SMYD5: variants seen among roughly 807,000 people sequenced by gnomAD.
SMYD5 encodes SMYD family member 5.
SMYD5 carries 35 observed loss-of-function variants against 57.4 expected under a neutral mutation model. That is an observed-to-expected ratio of 0.61 (90% CI 0.47 to 0.81). The LOEUF (loss-of-function observed/expected upper bound fraction) is 0.81. Ranked by LOEUF, SMYD5 falls within the 30% of genes least tolerant of loss-of-function variation. The probability of loss-of-function intolerance (pLI) is 0.00; values close to 1 mark genes in which losing one functional copy is unlikely to be tolerated. For missense variants in SMYD5, 471 were observed against 527.9 expected (o/e 0.89, Z 1.06); for synonymous variants, 198 against 189.7 (o/e 1.04, Z -0.36).
In SMYD5 at chr2:73,225,149, G is replaced by T. The variant is rs1206091735; in HGVS notation, c.1035+189G>T. 4.3e-5 allele frequency: 24 copies of T among 561,602 alleles called. No homozygotes were observed. The East Asian group carries it at 7.2e-4, about 17-fold the overall frequency. 34.8% of individuals were successfully genotyped at this position (561,602 alleles called of 1,614,324 possible). A position where few individuals can be genotyped will look rare whatever the true frequency, so the allele number is the denominator to read the frequency against. On this transcript the variant is annotated intron_variant, in intron 11 of 12. Coordinates refer to ENST00000389501, the MANE Select transcript of SMYD5 (RefSeq NM_006062.3). ...ACCCTACCTCGCTTTTTCAAAATATGACTCCAGAAAGCCTCAGGACAGTGT... is the reference window on the plus strand; with the variant it reads ...ACCCTACCTCGCTTTTTCAAAATATTACTCCAGAAAGCCTCAGGACAGTGT...
At chr2:73,221,388 C>G (rs899895114) in intron 5 of SMYD5, among the ~76,000 whole-genome samples, 154 bp downstream of exon 5, 26 of 151,572 alleles carry the variant, frequency 1.7e-4, no homozygotes, top group Non-Finnish European at 8.8e-5. Flanking sequence ...CTTCAGAATG[C>G]ACTCTGAAGG....
intron 8 of SMYD5, 32 bp downstream of exon 8, chr2:73,223,138 C>T (rs1388988693): frequency 1.3e-6 from 2 of 1,586,870 alleles, no homozygotes; most frequent in East Asian, 2.2e-5. Context: ...TGAAGTTACT[C>T]TCAGGGGTGG....
At chr2:73,216,808 C>T (rs933119401) in intron 1 of SMYD5, among the ~76,000 whole-genome samples, 2 of 152,060 alleles carry the variant, frequency 1.3e-5, no homozygotes, top group Non-Finnish European at 2.9e-5. Context: ...TGGGCTCAAG[C>T]GATCCTTCAT....
At chr2:73,216,268 A>T (rs1402987155) in intron 1 of SMYD5, among the ~76,000 whole-genome samples, 1 of 152,136 alleles carries the variant, frequency 6.6e-6, no homozygotes, top group Non-Finnish European at 1.5e-5. Flanking sequence ...TCTACTACAT[A>T]GTCTGCCCGG....
intron 1 of SMYD5, chr2:73,214,609 G>A (rs1272354323): frequency 2.3e-5 from 34 of 1,510,076 alleles, no homozygotes; most frequent in Middle Eastern, 4.7e-4. Context: ...CCAGCCCGCG[G>A]GAGGCCCTTC....
rs753852255 is a variant in SMYD5 at position 73,214,959 on chromosome 2, A to G, written c.96+597A>G. 6.4e-4 allele frequency: 263 copies of G among 408,770 alleles called. 2 individuals are homozygous for G. The highest frequency in any genetic ancestry group is 2.4e-3 in the Middle Eastern group (2 of 828). The allele number at this position is 408,770 out of a possible 1,614,324, so 25.3% of individuals were successfully genotyped here. A position where few individuals can be genotyped will look rare whatever the true frequency, so the allele number is the denominator to read the frequency against. On this transcript the variant is annotated intron_variant, in intron 1 of 12. Transcript: ENST00000389501. ...GAAAGAAAATACAAAAATCACCCATACTTCTATACTTGTGCAAAGATGAGT... is the reference window on the plus strand; with the variant it reads ...GAAAGAAAATACAAAAATCACCCATGCTTCTATACTTGTGCAAAGATGAGT...
chr2:73,224,986 A>G (rs993049288), intron 11 of SMYD5, 26 bp downstream of exon 11: 20 of 1,575,916 alleles, frequency 1.3e-5, no homozygotes, highest in East Asian at 2.2e-5. Flanking sequence ...AACCGTCGGG[A>G]TGGGTGGGCA....
chr2:73,223,937 T>G lies in SMYD5; in HGVS notation c.884-10T>G, dbSNP rs755834936. The G allele has an allele frequency of 6.2e-7, 1 of 1,613,282 alleles. No homozygotes were observed. Among genetic ancestry groups the G allele is most frequent in the Non-Finnish European group, 8.5e-7 (1 of 1,179,300 alleles). ...GGGTAGAATAATGTGTGTGTATTAC[T>G]GTCTTACAGCAACTGGAGAGTTTCT... On this transcript the variant is annotated splice_polypyrimidine_tract_variant and intron_variant, in intron 9 of 12. Transcript: ENST00000389501.
At chr2:73,222,480 G>A (rs1240389184) in intron 6 of SMYD5, among the ~76,000 whole-genome samples, 3 of 152,218 alleles carry the variant, frequency 2.0e-5, no homozygotes, top group Non-Finnish European at 4.4e-5. Context: ...TTTGATGGTG[G>A]TGGTGTGGAT....
chr2:73,220,151 T>A lies in SMYD5; in HGVS notation c.306T>A (p.Thr102=). ...GQVLPHPELC[T]VRKDLHQNCP... is the part of the protein sequence containing the mutation. ...TTCTGCCTCACCCAGAGCTGTGCACTGTGCGCAAAGACCTCCACCAGAACT... is the reference window on the plus strand; with the variant it reads ...TTCTGCCTCACCCAGAGCTGTGCACAGTGCGCAAAGACCTCCACCAGAACT... The change falls in exon 3 of 13, where the codon ACT becomes ACA. Residue 102 remains threonine (T), a synonymous_variant. Coordinates refer to ENST00000389501, the MANE Select transcript of SMYD5 (RefSeq NM_006062.3). 6.2e-7 allele frequency: 1 copy of A among 1,614,142 alleles called. No homozygotes were observed. The highest frequency in any genetic ancestry group is 8.5e-7 in the Non-Finnish European group (1 of 1,180,016).
chr2:73,217,641 G>T (rs1359167811), intron 1 of SMYD5, among the ~76,000 whole-genome samples: 1 of 152,182 alleles, frequency 6.6e-6, no homozygotes, highest in Non-Finnish European at 1.5e-5. Flanking sequence ...TTGTTCACAG[G>T]GTTGAGATTT....
At chr2:73,214,831 G>C in intron 1 of SMYD5, 1 of 1,303,200 alleles carries the variant, frequency 7.7e-7, no homozygotes, top group Non-Finnish European at 1.0e-6. Flanking sequence ...TCCAAAGGCC[G>C]TGGGGGCATT....
intron 3 of SMYD5, 134 bp from the exon 4 acceptor site, chr2:73,220,527 C>T: frequency 9.3e-7 from 1 of 1,073,224 alleles, no homozygotes; most frequent in Non-Finnish European, 1.3e-6. Flanking sequence ...CACATATCCC[C>T]AGAGCACCCT....
At chr2:73,217,797 C>G (rs1686317033) in intron 1 of SMYD5, among the ~76,000 whole-genome samples, 2 of 152,172 alleles carry the variant, frequency 1.3e-5, no homozygotes, top group Non-Finnish European at 2.9e-5. Context: ...GTTGACAGGG[C>G]TCCACACGTC....
rs1686489332 is a variant in SMYD5, at chr2:73,225,777, C to G, written c.1107-19C>G. 1 of 1,613,854 alleles carries G rather than the reference C, an allele frequency of 6.2e-7. No individual in the cohort carries two copies. The highest frequency in any genetic ancestry group is 1.3e-5 in the African/African-American group (1 of 74,912). On this transcript the variant is annotated intron_variant, in intron 12 of 12. Transcript: ENST00000389501. ...ATAGCTCCCTGACTTTTCCCCCTCA[C>G]CATCCCCCACCGCTGCAGGGAGAAC...
At chr2:73,224,672 C>G (rs558785926) in intron 10 of SMYD5, among the ~76,000 whole-genome samples, 194 bp from the exon 11 acceptor site, 1 of 152,270 alleles carries the variant, frequency 6.6e-6, no homozygotes, top group East Asian at 1.9e-4. Flanking sequence ...AGTGGGAGTG[C>G]TGTGGAGTTC....
chr2:73,222,830 AGGGTGGGACCAGT>A lies in SMYD5; in HGVS notation c.705+16_705+28del. ...AGCAGTCAGCCAGGTGAGTGAGGAG[AGGGTGGGACCAGT>A]GGCCTCCTTGTTACTCCAGCTCTCC... is the stretch of plus-strand genomic sequence containing the variant. On this transcript the variant is annotated intron_variant, in intron 7 of 12. Transcript: ENST00000389501. 6.2e-7 allele frequency: 1 copy of A among 1,613,120 alleles called. No individual in the cohort carries two copies. The highest frequency in any genetic ancestry group is 8.5e-7 in the Non-Finnish European group (1 of 1,179,180).
chr2:73,223,749 G>C (rs1686449763), intron 9 of SMYD5, among the ~76,000 whole-genome samples, 198 bp from the exon 10 acceptor site: 1 of 152,094 alleles, frequency 6.6e-6, no homozygotes, highest in Non-Finnish European at 1.5e-5. Flanking sequence ...GGGGGTGCTG[G>C]ATAAATAGGA....
At chr2:73,223,637 AG>A in intron 9 of SMYD5, 105 bp downstream of exon 9, 1 of 823,148 alleles carries the variant, frequency 1.2e-6, no homozygotes, top group Non-Finnish European at 2.1e-6. Context: ...TGGTGGGGGA[AG>A]GTAATCCCTT....
Sources: allele counts gnomAD v4.1 joint callset (sites outside exome capture counted in the v4.1 genomes callset), GRCh38; gene constraint gnomAD v4.1.1; transcripts MANE v1.5; gene names NCBI Gene and HGNC (gene_info 2026-07-23, HGNC 2026-07-21).